RARB: variants seen among roughly 807,000 people sequenced by gnomAD.
RARB encodes HBV-activated protein.
RARB carries 17 observed loss-of-function variants against 51.9 expected under a neutral mutation model. That is an observed-to-expected ratio of 0.33 (90% CI 0.22 to 0.49). RARB has a LOEUF of 0.49. RARB is among the 20% of genes least tolerant of loss of function. The pLI is 0.99. For missense variants in RARB, 369 were observed against 550.8 expected, an observed-to-expected ratio of 0.67 and a Z score of 3.30; for synonymous variants, 215 against 195.4, an observed-to-expected ratio of 1.10 and a Z score of -0.84.
At chr3:24,979,480 A>G (rs1696593734) in intron 2 of RARB, among the ~76,000 whole-genome samples, 2 of 152,006 alleles carry the variant, frequency 1.3e-5, no homozygotes, top group Non-Finnish European at 2.9e-5. Context: ...TGATCCCTTT[A>G]CCATTATGTA....
intron 3 of RARB, among the ~76,000 whole-genome samples, chr3:25,118,542 A>G (rs1699728778): frequency 6.6e-6 from 1 of 152,156 alleles, no homozygotes; most frequent in Non-Finnish European, 1.5e-5. Context: ...CTATTAGTCA[A>G]GTTTTTGAAA....
intron 5 of RARB, among the ~76,000 whole-genome samples, chr3:25,246,780 C>T (rs550884858): frequency 6.6e-6 from 1 of 152,262 alleles, no homozygotes; most frequent in African/African-American, 2.4e-5. Flanking sequence ...AGTGTCTCCC[C>T]ATCAGGAGGC....
At chr3:25,387,766 C>T (rs974717668) in intron 5 of RARB, among the ~76,000 whole-genome samples, 1 of 151,952 alleles carries the variant, frequency 6.6e-6, no homozygotes, top group South Asian at 2.1e-4. Context: ...CCCTAAATGG[C>T]GTTCCCACCC....
intron 2 of RARB, among the ~76,000 whole-genome samples, chr3:25,014,473 T>C (rs934205083): frequency 6.6e-6 from 1 of 152,130 alleles, no homozygotes; most frequent in Non-Finnish European, 1.5e-5. Flanking sequence ...AGATGGGTTT[T>C]CTCAAATGAC....
At chr3:25,163,501 C>CAAAAAAAAAA (rs1385452358) in intron 4 of RARB, among the ~76,000 whole-genome samples, 7 of 78,686 alleles carry the variant, frequency 8.9e-5, no homozygotes, top group African/African-American at 4.0e-4. Context: ...GACCCTATCT[C>CAAAAAAAAAA]AAAATATATA....
chr3:24,897,139 TCTC>T (rs1372625958), intron 2 of RARB, among the ~76,000 whole-genome samples: 3 of 152,322 alleles, frequency 2.0e-5, no homozygotes, highest in East Asian at 3.9e-4. Flanking sequence ...GTGCCCTGTC[TCTC>T]CTCCTCCATA....
chr3:25,202,254 T>C (rs1288928265), intron 5 of RARB, among the ~76,000 whole-genome samples: 1 of 152,196 alleles, frequency 6.6e-6, no homozygotes, highest in Non-Finnish European at 1.5e-5. Context: ...GATGGTAGTT[T>C]GTATTTATGT....
At chr3:25,254,773 A>G (rs987654925) in intron 5 of RARB, among the ~76,000 whole-genome samples, 1 of 152,146 alleles carries the variant, frequency 6.6e-6, no homozygotes, top group Non-Finnish European at 1.5e-5. Context: ...GAAATAGGAT[A>G]AAGAAGAAGA....
intron 2 of RARB, among the ~76,000 whole-genome samples, chr3:24,888,603 G>A (rs980570861): frequency 6.6e-6 from 1 of 151,974 alleles, no homozygotes; most frequent in Non-Finnish European, 1.5e-5. Context: ...TCTGTAAAAC[G>A]ACAGTAAAAA....
intron 1 of RARB, among the ~76,000 whole-genome samples, chr3:25,452,891 C>T (rs1242804309): frequency 2.6e-5 from 4 of 152,192 alleles, no homozygotes; most frequent in Non-Finnish European, 5.9e-5. Flanking sequence ...AGTTCAGGCT[C>T]TTCTGGTACA....
At chr3:24,978,739 G>A (rs1038121637) in intron 2 of RARB, among the ~76,000 whole-genome samples, 1 of 150,406 alleles carries the variant, frequency 6.6e-6, no homozygotes, top group Non-Finnish European at 1.5e-5. Flanking sequence ...GGGTTTTTGT[G>A]TCTCTATCTC....
At chr3:25,446,474 T>A (rs1708935920) in intron 1 of RARB, among the ~76,000 whole-genome samples, 1 of 152,198 alleles carries the variant, frequency 6.6e-6, no homozygotes, top group Admixed American at 6.5e-5. Context: ...ATTTCCTATC[T>A]GACCATTTAC....
At chr3:25,077,094 T>C (rs1698885831) in intron 3 of RARB, among the ~76,000 whole-genome samples, 1 of 152,228 alleles carries the variant, frequency 6.6e-6, no homozygotes, top group Admixed American at 6.5e-5. Context: ...TAGAAATACA[T>C]TGGTCCTCCC....
intron 3 of RARB, among the ~76,000 whole-genome samples, chr3:25,120,459 A>G (rs918919475): frequency 3.3e-5 from 5 of 152,024 alleles, no homozygotes; most frequent in Non-Finnish European, 7.4e-5. Flanking sequence ...AACTTTAACC[A>G]GTTAAATGTA....
intron 5 of RARB, among the ~76,000 whole-genome samples, chr3:25,585,605 T>G (rs913085580): frequency 6.6e-6 from 1 of 152,194 alleles, no homozygotes; most frequent in African/African-American, 2.4e-5. Context: ...GGGCAAATGA[T>G]GGGGAAAGCT....
chr3:24,909,893 C>CT (rs1694951010), intron 2 of RARB, among the ~76,000 whole-genome samples: 1 of 151,936 alleles, frequency 6.6e-6, no homozygotes, highest in South Asian at 2.1e-4. Context: ...AGTAACATGT[C>CT]TCTGTGTGTG....
chr3:24,886,036 A>G lies in RARB; in HGVS notation c.-380+27284A>G, dbSNP rs369930988. On this transcript the variant is annotated intron_variant, in intron 2 of 11. Coordinates refer to the RARB transcript ENST00000383772. ...ACCCTAATTTGCTAACTGAGAGCTC[A>G]GCCCATATACTAGGGTTCTTCTGAC... Among the ~76,000 whole-genome samples the G allele has an allele frequency of 3.3e-5, 5 of 152,190 alleles. No homozygotes were observed. The East Asian group carries it at 5.8e-4, about 18-fold the overall frequency.
At chr3:25,242,299 CTTTAG>C in intron 5 of RARB, among the ~76,000 whole-genome samples, 1 of 152,264 alleles carries the variant, frequency 6.6e-6, no homozygotes, top group Non-Finnish European at 1.5e-5. Context: ...TGCAGAAACT[CTTTAG>C]TTTAATTAGA....
intron 1 of RARB, among the ~76,000 whole-genome samples, chr3:24,830,282 C>G (rs914078419): frequency 2.0e-5 from 3 of 146,940 alleles, no homozygotes; most frequent in African/African-American, 7.6e-5. Flanking sequence ...GCACTTTTCT[C>G]CCTCCAGATA....
Sources: gnomAD v4.1 joint callset for allele counts (sites outside exome capture counted in the v4.1 genomes callset) on GRCh38, gnomAD v4.1.1 for gene constraint, MANE v1.5 for transcripts, NCBI Gene and HGNC (gene_info 2026-07-23, HGNC 2026-07-21) for gene names.